ITGA5: variants seen among roughly 807,000 people sequenced by gnomAD.
ITGA5 encodes integrin subunit alpha 5.
A neutral mutation model predicts 146.3 loss-of-function variants in ITGA5; 55 were observed. The observed-to-expected ratio is 0.38, with a 90% confidence interval of 0.30 to 0.47. The LOEUF (loss-of-function observed/expected upper bound fraction) is 0.47. ITGA5 is among the 20% of genes least tolerant of loss of function. The pLI is 0.99. For synonymous variants in ITGA5, 500 were observed against 531.8 expected, an observed-to-expected ratio of 0.94 and a Z score of 0.82; for missense variants, 1,131 against 1,329.0, an observed-to-expected ratio of 0.85 and a Z score of 2.32.
chr12:54,408,193 T>G lies in ITGA5; in HGVS notation c.734A>C (p.Tyr245Ser), dbSNP rs759191087. The change falls in exon 7 of 30, where the codon TAT becomes TCT. Residue 245 changes from tyrosine (Y) to serine (S), a missense_variant. Coordinates refer to ENST00000293379, the MANE Select transcript of ITGA5 (RefSeq NM_002205.5). ...SATQEQIAES[Y>S]YPEYLINLVQ... The stretch of plus-strand genomic sequence containing the variant: ...CAGGTTGATCAGGTACTCGGGGTAA[T>G]AAGATTCTGCAATCTGCTCCTGAGT... The G allele has an allele frequency of 3.1e-6, 5 of 1,614,042 alleles. No homozygotes were observed. In the South Asian group the frequency reaches 5.5e-5, roughly 18 times the overall value.
chr12:54,399,644 C>T lies in ITGA5; in HGVS notation c.2841+1G>A. 1.2e-6 allele frequency: 2 copies of T among 1,611,794 alleles called. No homozygotes were observed. The highest frequency in any genetic ancestry group is 1.7e-6 in the Non-Finnish European group (2 of 1,177,810). On this transcript the variant is annotated splice_donor_variant, in intron 27 of 29. Transcript: ENST00000293379. LOFTEE classifies it high-confidence loss of function. ...TCAGGGCTGAGGTAAGGCTCCCTCACCTGCAAGAAAGTCTTGGCCCAGACT... is the reference window on the plus strand; with the variant it reads ...TCAGGGCTGAGGTAAGGCTCCCTCATCTGCAAGAAAGTCTTGGCCCAGACT...
At position 54,416,608 on chromosome 12, in the gene ITGA5, C is replaced by T. The variant is rs886205430; in HGVS notation, c.218+2373G>A. The stretch of plus-strand genomic sequence containing the variant: ...AACAGCTACCCCATAAAAACCATGC[C>T]GCCCATGTATTGATCACTCTCTGTG... On this transcript the variant is annotated intron_variant, in intron 1 of 29. Coordinates refer to ENST00000293379, the MANE Select transcript of ITGA5 (RefSeq NM_002205.5). The surrounding 1 kb of genome is among the most constrained non-coding windows in gnomAD (Gnocchi z 4.1). 9.2e-5 allele frequency among the ~76,000 whole-genome samples: 14 copies of T among 152,272 alleles called. No homozygotes were observed. The highest frequency in any genetic ancestry group is 3.1e-4 in the African/African-American group (13 of 41,552).
rs1421656901 is a variant in ITGA5 at position 54,416,217 on chromosome 12, G to A, written c.218+2764C>T. Among the ~76,000 whole-genome samples, 2 of 152,146 alleles carry A rather than the reference G, an allele frequency of 1.3e-5. No homozygotes were observed. The highest frequency in any genetic ancestry group is 2.9e-5 in the Non-Finnish European group (2 of 68,032). On this transcript the variant is annotated intron_variant, in intron 1 of 29. Coordinates refer to ENST00000293379, the MANE Select transcript of ITGA5 (RefSeq NM_002205.5). This position sits in a 1 kb window ranked among gnomAD's most constrained non-coding sequence, Gnocchi z 4.1. ...CCCGAGTAGCTGGGATTACAGGTGCGTGCCAGCACGCTCGGCTAATTTTTT... is the reference window on the plus strand; with the variant it reads ...CCCGAGTAGCTGGGATTACAGGTGCATGCCAGCACGCTCGGCTAATTTTTT...
In ITGA5 at chr12:54,401,324, G is replaced by C; in HGVS notation, c.2493+49C>G. Reference sequence around the variant, plus strand: ...TTCCAGCCATCTGTCACTCATATTAGCTCCTCCTTTCCCATCATTCATTCT... The same window carrying C: ...TTCCAGCCATCTGTCACTCATATTACCTCCTCCTTTCCCATCATTCATTCT... On this transcript the variant is annotated intron_variant, in intron 24 of 29. Coordinates refer to ENST00000293379, the MANE Select transcript of ITGA5 (RefSeq NM_002205.5). The surrounding 1 kb of genome is among the most constrained non-coding windows in gnomAD (Gnocchi z 5.0). The C allele has an allele frequency of 7.5e-7, 1 of 1,324,706 alleles. No individual in the cohort carries two copies. The highest frequency in any genetic ancestry group is 1.1e-6 in the Non-Finnish European group (1 of 917,606). 82.1% of individuals were successfully genotyped at this position (1,324,706 alleles called of 1,614,324 possible).
chr12:54,404,481 A>G lies in ITGA5; in HGVS notation c.1418-6T>C. ...AAAGGACCCCACAATCAGATCTGTA[A>G]GAAGTCAAGAAATCACCTCTTACAG... is the stretch of plus-strand genomic sequence containing the variant. On this transcript the variant is annotated splice_region_variant and splice_polypyrimidine_tract_variant and intron_variant, in intron 13 of 29. Coordinates refer to ENST00000293379, the MANE Select transcript of ITGA5 (RefSeq NM_002205.5). 1.9e-6 allele frequency: 3 copies of G among 1,614,178 alleles called. No homozygotes were observed. The highest frequency in any genetic ancestry group is 1.7e-6 in the Non-Finnish European group (2 of 1,179,986).
intron 2 of ITGA5, among the ~76,000 whole-genome samples, chr12:54,411,604 G>A (rs910392226): frequency 2.0e-5 from 3 of 152,234 alleles, no homozygotes; most frequent in Admixed American, 2.0e-4. Context: ...GGGGAAATGA[G>A]AGCCACATGT....
At chr12:54,397,178 A>G in intron 29 of ITGA5, 187 bp downstream of exon 29, 1 of 518,712 alleles carries the variant, frequency 1.9e-6, no homozygotes, top group Non-Finnish European at 3.4e-6. Flanking sequence ...GACCCTTTCT[A>G]AGCTAGGGGC....
intron 1 of ITGA5, among the ~76,000 whole-genome samples, chr12:54,418,767 T>C (rs1956040193): frequency 6.6e-6 from 1 of 151,806 alleles, no homozygotes; most frequent in African/African-American, 2.4e-5. Context: ...GTCTCCCCAC[T>C]GATCTCAAAC....
Position 54,401,641 on chromosome 12 carries a change from G to T in ITGA5, c.2331C>A (p.Ser777Arg), listed in dbSNP as rs771265500. 1.9e-6 allele frequency: 3 copies of T among 1,614,034 alleles called. No individual in the cohort carries two copies. Among genetic ancestry groups the T allele is most frequent in the Non-Finnish European group, 2.5e-6 (3 of 1,180,038 alleles). The change falls in exon 23 of 30, where the codon AGC becomes AGA. Residue 777 changes from serine (S) to arginine (R), a missense_variant. By Grantham distance (110) the Ser-to-Arg change is moderately radical (BLOSUM62 -1). This residue lies in a region of ITGA5 where 889 missense variants were observed against 1,021.5 expected (regional missense o/e 0.87). Transcript: ENST00000293379. The surrounding 1 kb of genome is among the most constrained non-coding windows in gnomAD (Gnocchi z 5.0). ...ILSKNLNNSQ[S>R]DVVSFRLSVE... The stretch of plus-strand genomic sequence containing the variant: ...CGGAGAGCCGAAAGGAAACCACGTC[G>T]CTTTGCGAGTTGTTGAGATTCTTGC...
At chr12:54,402,903 A>C (rs1452771239) in intron 19 of ITGA5, 80 bp downstream of exon 19, 1 of 1,147,710 alleles carries the variant, frequency 8.7e-7, no homozygotes, top group African/African-American at 1.5e-5. Flanking sequence ...CCAAGGCGAC[A>C]CAGCTAGTAT....
intron 1 of ITGA5, 77 bp downstream of exon 1, chr12:54,418,904 C>T: frequency 1.0e-5 from 16 of 1,527,724 alleles, no homozygotes; most frequent in Non-Finnish European, 1.4e-5. Context: ...GCCCTGGTCC[C>T]CTCCAGACCC....
chr12:54,399,732 C>T lies in ITGA5; in HGVS notation c.2754G>A (p.Arg918=), dbSNP rs1308768085. ...GCAGGGGCCCGAGCTCACAGCGCAG[C>T]CTGAAACACTCAGCCTCCGGGCATT... ...ILKCPEAECF[R]LRCELGPLHQ... Residue 918 remains arginine, a synonymous_variant, in exon 27 of 30, where the codon AGG becomes AGA. Coordinates refer to ENST00000293379, the MANE Select transcript of ITGA5 (RefSeq NM_002205.5). 2 of 1,614,170 alleles carry T rather than the reference C, an allele frequency of 1.2e-6. No homozygotes were observed. Among genetic ancestry groups the T allele is most frequent in the Non-Finnish European group, 1.7e-6 (2 of 1,180,006 alleles).
chr12:54,417,903 G>T (rs186068653), intron 1 of ITGA5, among the ~76,000 whole-genome samples: 1 of 152,214 alleles, frequency 6.6e-6, no homozygotes, highest in Non-Finnish European at 1.5e-5. Context: ...AGACACCCTT[G>T]GTTCTAATGT....
At chr12:54,405,755 A>C in intron 10 of ITGA5, 39 bp from the exon 11 acceptor site, 1 of 1,611,020 alleles carries the variant, frequency 6.2e-7, no homozygotes, top group South Asian at 1.1e-5. Flanking sequence ...TCAGAACTAG[A>C]AGGTTCAATC....
intron 27 of ITGA5, 80 bp downstream of exon 27, chr12:54,399,565 C>T: frequency 1.0e-6 from 1 of 962,026 alleles, no homozygotes; most frequent in South Asian, 1.3e-5. Flanking sequence ...GGAGAGGTGG[C>T]TACTGCAGTG....
chr12:54,412,518 T>C (rs1163283983), intron 1 of ITGA5: 1 of 152,602 alleles, frequency 6.6e-6, no homozygotes, highest in Non-Finnish European at 1.5e-5. Flanking sequence ...AGAGAGGAGC[T>C]GGAGGACAGT....
intron 2 of ITGA5, among the ~76,000 whole-genome samples, chr12:54,410,045 C>A (rs886144996): frequency 6.6e-5 from 10 of 151,978 alleles, no homozygotes; most frequent in African/African-American, 9.7e-5. Flanking sequence ...TTAGTAGAGA[C>A]GGGGTTTCAT....
chr12:54,418,204 C>A (rs774796382), intron 1 of ITGA5, among the ~76,000 whole-genome samples: 1 of 151,842 alleles, frequency 6.6e-6, no homozygotes, highest in Non-Finnish European at 1.5e-5. Context: ...AAACCGCCCA[C>A]CCCCCTTCAC....
chr12:54,409,814 A>G lies in ITGA5; in HGVS notation c.350-217T>C, dbSNP rs1955918324. ...CTCCACTACACACATACACATACAC[A>G]CACACACATACATACACACGCACGC... On this transcript the variant is annotated intron_variant, in intron 2 of 29. Transcript: ENST00000293379. The surrounding 1 kb of genome is among the most constrained non-coding windows in gnomAD (Gnocchi z 4.7). 1.9e-6 allele frequency: 1 copy of G among 531,912 alleles called. No homozygotes were observed. 32.9% of individuals were successfully genotyped at this position (531,912 alleles called of 1,614,324 possible). A position where few individuals can be genotyped will look rare whatever the true frequency, so the allele number is the denominator to read the frequency against.
Sources: gnomAD v4.1 joint callset for allele counts (sites outside exome capture counted in the v4.1 genomes callset) on GRCh38, gnomAD v4.1.1 for gene constraint, gnomAD v4.1.1 regional missense constraint, Gnocchi (gnomAD v3.1) non-coding constraint, MANE v1.5 for transcripts, NCBI Gene and HGNC (gene_info 2026-07-23, HGNC 2026-07-21) for gene names.